The following ARPP21 variants were observed in gnomAD, a reference collection of about 807,000 sequenced individuals.
ARPP21 encodes cAMP-regulated phosphoprotein 21.
A neutral mutation model predicts 113.2 loss-of-function variants in ARPP21; 69 were observed. That is an observed-to-expected ratio of 0.61 (90% CI 0.50 to 0.74). ARPP21 has a LOEUF of 0.74. Ranked by LOEUF, ARPP21 falls within the 30% of genes least tolerant of loss-of-function variation. ARPP21 has a pLI of 0.00. For synonymous variants in ARPP21, 368 were observed against 375.5 expected (o/e 0.98, Z 0.23); for missense variants, 1,070 against 1,037.4 (o/e 1.03, Z -0.43).
intron 1 of ARPP21, among the ~76,000 whole-genome samples, chr3:35,644,494 T>G (rs1034585315): frequency 6.6e-6 from 1 of 151,986 alleles, no homozygotes; most frequent in Admixed American, 6.6e-5. Flanking sequence ...GGTAACATTG[T>G]TATCTTATAG....
intron 1 of ARPP21, among the ~76,000 whole-genome samples, chr3:35,644,438 T>C (rs1045516640): frequency 3.9e-5 from 6 of 151,912 alleles, no homozygotes; most frequent in Non-Finnish European, 7.4e-5. Flanking sequence ...AAGAATAAAG[T>C]GCACGAGAAA....
intron 9 of ARPP21, among the ~76,000 whole-genome samples, chr3:35,698,767 C>T (rs1049755937): frequency 4.6e-5 from 7 of 151,614 alleles, no homozygotes; most frequent in African/African-American, 9.7e-5. Flanking sequence ...TATTGATTCA[C>T]TTATACAAAT....
chr3:35,671,407 T>C (rs1033171116), intron 1 of ARPP21, among the ~76,000 whole-genome samples: 7 of 152,184 alleles, frequency 4.6e-5, no homozygotes, highest in Non-Finnish European at 5.9e-5. Flanking sequence ...AGAGTAAGAA[T>C]GATTTCTTGA....
At chr3:35,772,167 A>G (rs1203956925) in intron 19 of ARPP21, among the ~76,000 whole-genome samples, 1 of 152,190 alleles carries the variant, frequency 6.6e-6, no homozygotes, top group Non-Finnish European at 1.5e-5. Context: ...TTTAATTTGA[A>G]GCATTTGTGG....
chr3:35,733,869 A>C (rs2094165940), intron 15 of ARPP21, among the ~76,000 whole-genome samples: 1 of 152,200 alleles, frequency 6.6e-6, no homozygotes, highest in South Asian at 2.1e-4. Context: ...AATTATTTAG[A>C]AACATCTCCT....
At chr3:35,683,903 G>C in intron 5 of ARPP21, 88 bp downstream of exon 5, 1 of 981,660 alleles carries the variant, frequency 1.0e-6, no homozygotes, top group South Asian at 1.3e-5. Flanking sequence ...ACAGTGTTTT[G>C]GGGGAGAAAA....
intron 19 of ARPP21, among the ~76,000 whole-genome samples, chr3:35,766,653 T>C (rs2095989553): frequency 6.6e-6 from 1 of 152,186 alleles, no homozygotes; most frequent in African/African-American, 2.4e-5. Context: ...TCTCCAAGTA[T>C]ATTTGAATTG....
intron 19 of ARPP21, among the ~76,000 whole-genome samples, chr3:35,769,124 T>C (rs1484087962): frequency 6.6e-6 from 1 of 152,178 alleles, no homozygotes; most frequent in Non-Finnish European, 1.5e-5. Context: ...ATGCATATGA[T>C]TATATACCTA....
intron 1 of ARPP21, among the ~76,000 whole-genome samples, chr3:35,645,635 A>G (rs545771314): frequency 6.6e-6 from 1 of 152,092 alleles, no homozygotes; most frequent in Admixed American, 6.6e-5. Flanking sequence ...AAAAGAACTA[A>G]CTAGTTCCAA....
intron 8 of ARPP21, 50 bp downstream of exon 8, chr3:35,690,190 T>C: frequency 1.1e-6 from 1 of 878,278 alleles, no homozygotes; most frequent in Non-Finnish European, 1.9e-6. Context: ...CCTAGTTTGG[T>C]ATTGGAGTTA....
At chr3:35,662,764 A>G (rs1183372619) in intron 1 of ARPP21, among the ~76,000 whole-genome samples, 3 of 152,184 alleles carry the variant, frequency 2.0e-5, no homozygotes, top group Non-Finnish European at 4.4e-5. Flanking sequence ...AGGCAACAAG[A>G]CCTTGAAGGG....
At chr3:35,668,011 G>C (rs61249752) in intron 1 of ARPP21, among the ~76,000 whole-genome samples, 3 of 149,984 alleles carry the variant, frequency 2.0e-5, no homozygotes, top group Non-Finnish European at 4.4e-5. Context: ...AGAAGAAGAA[G>C]AAGAAGAAGA....
chr3:35,715,284 C>A, intron 11 of ARPP21, 155 bp from the exon 12 acceptor site: 1 of 630,116 alleles, frequency 1.6e-6, no homozygotes, highest in African/African-American at 1.8e-5. Flanking sequence ...CTAATCCTAA[C>A]CAACCTTTTT....
At chr3:35,695,225 G>A (rs1454199791) in intron 9 of ARPP21, among the ~76,000 whole-genome samples, 2 of 151,558 alleles carry the variant, frequency 1.3e-5, no homozygotes, top group Non-Finnish European at 3.0e-5. Context: ...TTGAAGTAAA[G>A]TCAACTGTCT....
chr3:35,642,698 A>G (rs1425931887), intron 1 of ARPP21, among the ~76,000 whole-genome samples: 2 of 152,128 alleles, frequency 1.3e-5, no homozygotes, highest in East Asian at 3.8e-4. Flanking sequence ...TGTTCGGTGA[A>G]AGGTTTGGAG....
chr3:35,678,189 T>A (rs898131183), intron 1 of ARPP21, among the ~76,000 whole-genome samples: 1 of 151,946 alleles, frequency 6.6e-6, no homozygotes, highest in African/African-American at 2.4e-5. Context: ...ATAATGCATC[T>A]AAGACTTAGT....
At chr3:35,782,957 T>C (rs1377307062) in intron 19 of ARPP21, among the ~76,000 whole-genome samples, 1 of 152,076 alleles carries the variant, frequency 6.6e-6, no homozygotes, top group Non-Finnish European at 1.5e-5. Flanking sequence ...TTTATTGAGG[T>C]CACCGGTTTG....
chr3:35,687,708 G>T, intron 5 of ARPP21, 31 bp from the exon 6 acceptor site: 1 of 1,585,256 alleles, frequency 6.3e-7, no homozygotes, highest in Non-Finnish European at 8.6e-7. Context: ...ATTAAACCTG[G>T]CCCTAAATTA....
At chr3:35,705,356 CAT>C (rs1453874160) in intron 9 of ARPP21, among the ~76,000 whole-genome samples, 1 of 152,108 alleles carries the variant, frequency 6.6e-6, no homozygotes, top group East Asian at 1.9e-4. Flanking sequence ...TACACTGAAA[CAT>C]GTTTAATTTC....
Sources: allele counts gnomAD v4.1 joint callset (sites outside exome capture counted in the v4.1 genomes callset), GRCh38; gene constraint gnomAD v4.1.1; transcripts MANE v1.5; gene names NCBI Gene and HGNC (gene_info 2026-07-23, HGNC 2026-07-21).